GTF2IRD2B: variants seen among roughly 807,000 people sequenced by gnomAD.
The protein encoded by GTF2IRD2B is general transcription factor II-I repeat domain-containing protein 2B.
GTF2IRD2B carries 10 observed loss-of-function variants against 55.6 expected under a neutral mutation model. The observed-to-expected ratio is 0.18, with a 90% confidence interval of 0.11 to 0.31. The LOEUF (loss-of-function observed/expected upper bound fraction) is 0.31, where lower values mean the gene tolerates loss of function less well. Ranked by LOEUF, GTF2IRD2B falls within the 10% of genes least tolerant of loss-of-function variation. The probability of loss-of-function intolerance (pLI) is 1.00; values close to 1 mark genes in which losing one functional copy is unlikely to be tolerated. For missense variants in GTF2IRD2B, 206 were observed against 802.7 expected (o/e 0.26, Z 8.98); for synonymous variants, 107 against 320.5 (o/e 0.33, Z 7.12).
intron 15 of GTF2IRD2B, chr7:75,146,752 C>T (rs1416523311): frequency 7.9e-6 from 1 of 126,326 alleles, no homozygotes; most frequent in Non-Finnish European, 1.7e-5. Flanking sequence ...ATAACAAGCA[C>T]AGCTACATGC....
intron 8 of GTF2IRD2B, among the ~76,000 whole-genome samples, chr7:75,127,477 A>G (rs1554452585): frequency 1.3e-5 from 2 of 149,076 alleles, no homozygotes; most frequent in Non-Finnish European, 3.0e-5. Context: ...TCAAAAAAAA[A>G]AAAAAAAAAA....
chr7:75,114,786 C>A (rs1456294941), intron 3 of GTF2IRD2B, among the ~76,000 whole-genome samples: 14 of 149,602 alleles, frequency 9.4e-5, no homozygotes, highest in Non-Finnish European at 1.9e-4. Flanking sequence ...TTTATGGCCG[C>A]AGGTTTTTCG....
intron 10 of GTF2IRD2B, among the ~76,000 whole-genome samples, chr7:75,135,775 A>T (rs1399672805): frequency 1.6e-4 from 4 of 24,426 alleles, no homozygotes; most frequent in Non-Finnish European, 2.9e-4. Flanking sequence ...ATTCATATAT[A>T]AATCTTGAGC....
At chr7:75,105,312 T>C (rs1260245305) in intron 1 of GTF2IRD2B, among the ~76,000 whole-genome samples, 6 of 152,280 alleles carry the variant, frequency 3.9e-5, no homozygotes, top group Admixed American at 2.0e-4. Context: ...GAGACCAGCC[T>C]GGCCAACATG....
chr7:75,117,848 T>C (rs1257216087), intron 3 of GTF2IRD2B, among the ~76,000 whole-genome samples: 20 of 152,390 alleles, frequency 1.3e-4, no homozygotes, highest in South Asian at 6.2e-4. Context: ...TCTGGTAGGC[T>C]GAGGCTGGCG....
Position 75,102,503 on chromosome 7 carries a change from A to G in GTF2IRD2B, c.-5-6457A>G, listed in dbSNP as rs587630198. ...AAAAGGTCAGAAGTGAAACATTCAT[A>G]GGAAGTAGTTGATTGAGCCAGGTGT... On this transcript the variant is annotated intron_variant, in intron 1 of 15. Transcript: ENST00000472837. Among the ~76,000 whole-genome samples, 405 of 151,540 alleles carry G rather than the reference A, an allele frequency of 2.7e-3. 7 individuals are homozygous for G. Among genetic ancestry groups the G allele is most frequent in the African/African-American group, 9.3e-3 (384 of 41,424 alleles).
At chr7:75,133,725 G>A (rs1403720081) in intron 9 of GTF2IRD2B, among the ~76,000 whole-genome samples, 7 of 147,376 alleles carry the variant, frequency 4.7e-5, no homozygotes, top group African/African-American at 1.6e-4. Context: ...TGTATTATTA[G>A]TAGAGACGGG....
At chr7:75,096,524 G>A (rs1807384002) in intron 1 of GTF2IRD2B, among the ~76,000 whole-genome samples, 1 of 97,284 alleles carries the variant, frequency 1.0e-5, no homozygotes, top group Non-Finnish European at 2.0e-5. Context: ...CCGGGTTCAA[G>A]CAATTCTCCC....
intron 15 of GTF2IRD2B, chr7:75,146,990 T>C: frequency 6.4e-6 from 1 of 156,810 alleles, no homozygotes; most frequent in Non-Finnish European, 1.4e-5. Flanking sequence ...AAAAGATAGC[T>C]CGGTGTGGTG....
At chr7:75,122,851 C>A (rs1808423737) in intron 4 of GTF2IRD2B, among the ~76,000 whole-genome samples, 1 of 150,880 alleles carries the variant, frequency 6.6e-6, no homozygotes, top group African/African-American at 2.4e-5. Flanking sequence ...CGTTCGAGAC[C>A]AGTCTGGACA....
At chr7:75,130,099 T>G (rs1465780448) in intron 8 of GTF2IRD2B, among the ~76,000 whole-genome samples, 1 of 96,872 alleles carries the variant, frequency 1.0e-5, no homozygotes, top group Non-Finnish European at 2.2e-5. Flanking sequence ...TTCTCTTTCT[T>G]TCTTTCTTTC....
chr7:75,112,307 T>C, intron 2 of GTF2IRD2B, 90 bp from the exon 3 acceptor site: 1 of 300,328 alleles, frequency 3.3e-6, no homozygotes, highest in Non-Finnish European at 5.6e-6. Context: ...TTTTGCTACC[T>C]AATTTTGTAT....
intron 1 of GTF2IRD2B, among the ~76,000 whole-genome samples, chr7:75,101,389 G>A (rs1401688588): frequency 3.3e-5 from 5 of 151,000 alleles, no homozygotes; most frequent in Non-Finnish European, 7.4e-5. Context: ...GGGCAACATA[G>A]TGAGACCTCT....
intron 3 of GTF2IRD2B, among the ~76,000 whole-genome samples, chr7:75,116,825 A>G (rs1386385975): frequency 4.0e-5 from 6 of 150,210 alleles, no homozygotes; most frequent in Admixed American, 3.3e-4. Context: ...GTATTTTTTT[A>G]GTAGAGGTGG....
intron 3 of GTF2IRD2B, among the ~76,000 whole-genome samples, chr7:75,116,897 C>T (rs1311730015): frequency 1.9e-4 from 29 of 151,382 alleles, no homozygotes; most frequent in Middle Eastern, 3.4e-3. Flanking sequence ...TGCCTGCCTC[C>T]GCCTCCCAAA....
In GTF2IRD2B at chr7:75,149,449, C is replaced by T. The variant is rs587722674; in HGVS notation, c.*152C>T. ...AGGTTGGAGTGCAGTGGCGTGATCTCGGCTTACTGCAACTTCCAGCTCCTG... is the reference window on the plus strand; with the variant it reads ...AGGTTGGAGTGCAGTGGCGTGATCTTGGCTTACTGCAACTTCCAGCTCCTG... On this transcript the variant is annotated 3_prime_UTR_variant, in exon 16 of 16. Coordinates refer to ENST00000472837, the MANE Select transcript of GTF2IRD2B (RefSeq NM_001003795.3). 3.3e-6 allele frequency: 2 copies of T among 604,520 alleles called. No individual in the cohort carries two copies. Among genetic ancestry groups the T allele is most frequent in the Non-Finnish European group, 5.9e-6 (2 of 337,124 alleles). 37.4% of individuals were successfully genotyped at this position (604,520 alleles called of 1,614,324 possible).
At chr7:75,145,699 C>A (rs1809124519) in intron 15 of GTF2IRD2B, among the ~76,000 whole-genome samples, 1 of 139,010 alleles carries the variant, frequency 7.2e-6, no homozygotes, top group Non-Finnish European at 1.5e-5. Context: ...TGCCACTGCA[C>A]TCCAGTTTGG....
chr7:75,105,701 G>A (rs1487255105), intron 1 of GTF2IRD2B, among the ~76,000 whole-genome samples: 2 of 152,304 alleles, frequency 1.3e-5, no homozygotes, highest in African/African-American at 2.4e-5. Flanking sequence ...AAGAATTTTG[G>A]TAGATAGTTG....
chr7:75,114,345 T>G (rs1295011564), intron 3 of GTF2IRD2B, among the ~76,000 whole-genome samples: 32 of 151,728 alleles, frequency 2.1e-4, no homozygotes, highest in Middle Eastern at 3.4e-3. Context: ...CATAGTTGCA[T>G]GTTAATTTTG....
Sources: gnomAD v4.1 joint callset for allele counts (sites outside exome capture counted in the v4.1 genomes callset) on GRCh38, gnomAD v4.1.1 for gene constraint, MANE v1.5 for transcripts, NCBI Gene and HGNC (gene_info 2026-07-23, HGNC 2026-07-21) for gene names.